The following BARD1 variants were observed in gnomAD, a reference collection of about 807,000 sequenced individuals.
BARD1 encodes BRCA1 associated RING domain 1.
In BARD1, 73 loss-of-function variants were observed where a neutral mutation model predicts 77.0. The observed-to-expected ratio is 0.95, with a 90% CI of 0.79 to 1.15. BARD1 has a LOEUF of 1.15. Ranked by LOEUF, BARD1 falls within the 50% of genes most tolerant of loss-of-function variation. BARD1 has a pLI of 0.00. For synonymous variants in BARD1, 384 were observed against 338.0 expected, an observed-to-expected ratio of 1.14 and a Z score of -1.49; for missense variants, 993 against 938.8, an observed-to-expected ratio of 1.06 and a Z score of -0.75.
intron 9 of BARD1, among the ~76,000 whole-genome samples, chr2:214,731,430 G>C (rs182673938): frequency 6.6e-6 from 1 of 152,298 alleles, no homozygotes; most frequent in Admixed American, 6.5e-5. Context: ...CCAAGCGAGG[G>C]AACTGATGGC....
chr2:214,741,908 A>G (rs974703553), intron 9 of BARD1, among the ~76,000 whole-genome samples: 1 of 136,994 alleles, frequency 7.3e-6, no homozygotes, highest in Non-Finnish European at 1.6e-5. Context: ...TTTGGACCCA[A>G]TGGATCCAAA....
intron 2 of BARD1, among the ~76,000 whole-genome samples, chr2:214,794,770 C>T (rs1347740399): frequency 6.6e-6 from 1 of 152,126 alleles, no homozygotes; most frequent in Non-Finnish European, 1.5e-5. Context: ...CATTTTAAAA[C>T]CTCATTGCTG....
chr2:214,761,520 T>C (rs1202132669), intron 6 of BARD1, among the ~76,000 whole-genome samples: 1 of 152,152 alleles, frequency 6.6e-6, no homozygotes, highest in Non-Finnish European at 1.5e-5. Context: ...TATTTTTAAA[T>C]GTATTAACAA....
At chr2:214,791,780 G>A (rs1695525415) in intron 3 of BARD1, among the ~76,000 whole-genome samples, 1 of 152,052 alleles carries the variant, frequency 6.6e-6, no homozygotes, top group African/African-American at 2.4e-5. Context: ...TGCTATTAAG[G>A]CCAAAATCAC....
intron 3 of BARD1, among the ~76,000 whole-genome samples, chr2:214,783,985 T>C (rs1451507155): frequency 6.6e-6 from 1 of 151,764 alleles, no homozygotes; most frequent in Non-Finnish European, 1.5e-5. Flanking sequence ...TAAAACAATG[T>C]CCTGAAGTCT....
At chr2:214,729,346 G>A (rs998937157) in intron 10 of BARD1, among the ~76,000 whole-genome samples, 1 of 152,180 alleles carries the variant, frequency 6.6e-6, no homozygotes, top group African/African-American at 2.4e-5. Flanking sequence ...CATGAGGTCA[G>A]GTGTGGAATT....
At chr2:214,768,357 G>A (rs936223822) in intron 5 of BARD1, among the ~76,000 whole-genome samples, 2 of 152,140 alleles carry the variant, frequency 1.3e-5, no homozygotes, top group Non-Finnish European at 2.9e-5. Context: ...TCTATTTTTA[G>A]GAGAAAGGAA....
rs1222109307 is a variant in BARD1 at position 214,730,466 on chromosome 2, T to A, written c.1946A>T (p.Glu649Val). Reference sequence around the variant, plus strand: ...TGGACCTTCAGGAATTTCATACTTTTCTTCCTGTTCACATACTTTTCTTCG... The same window carrying A: ...TGGACCTTCAGGAATTTCATACTTTACTTCCTGTTCACATACTTTTCTTCG... ...CLRRKVCEQEEKYEIPEGPRR... is the reference protein window; with the variant it reads ...CLRRKVCEQEVKYEIPEGPRR... Residue 649 changes from glutamate (E) to valine (V), a missense_variant, in exon 10 of 11, where the codon GAA (glutamate) becomes GTA (valine). Glu to Val is a moderately radical substitution (Grantham distance 121). Transcript: ENST00000260947. 3.7e-6 allele frequency: 6 copies of A among 1,613,904 alleles called. No homozygotes were observed. Among genetic ancestry groups the A allele is most frequent in the Non-Finnish European group, 3.4e-6 (4 of 1,179,992 alleles).
At chr2:214,737,288 T>C (rs1196952997) in intron 9 of BARD1, among the ~76,000 whole-genome samples, 1 of 152,140 alleles carries the variant, frequency 6.6e-6, no homozygotes, top group Admixed American at 6.6e-5. Context: ...GTCCTCAGCC[T>C]GCCGATTTGA....
At chr2:214,766,364 A>G (rs758435248) in intron 6 of BARD1, among the ~76,000 whole-genome samples, 13 of 152,232 alleles carry the variant, frequency 8.5e-5, no homozygotes, top group African/African-American at 3.1e-4. Flanking sequence ...TAGTAAATAC[A>G]CAGAAAAAAT....
intron 6 of BARD1, among the ~76,000 whole-genome samples, chr2:214,762,010 A>T (rs986274470): frequency 6.6e-6 from 1 of 152,210 alleles, no homozygotes; most frequent in Non-Finnish European, 1.5e-5. Context: ...AATTATATTT[A>T]TTAACACAAT....
chr2:214,787,526 T>C (rs1695326782), intron 3 of BARD1, among the ~76,000 whole-genome samples: 1 of 151,950 alleles, frequency 6.6e-6, no homozygotes, highest in South Asian at 2.1e-4. Flanking sequence ...ATAAATCACA[T>C]TATTAACAGC....
rs11340372 is a variant in BARD1 at position 214,761,289 on chromosome 2, GAA to G, written c.1568+6191_1568+6192del. Among the ~76,000 whole-genome samples the G allele has an allele frequency of 4.7e-3, 618 of 131,248 alleles. 5 individuals carry two copies. The highest frequency in any genetic ancestry group is 0.016 in the African/African-American group (547 of 35,216). The allele number at this position is 131,248 out of a possible 152,430, so 86.1% of individuals were successfully genotyped here. A position where few individuals can be genotyped will look rare whatever the true frequency, so the allele number is the denominator to read the frequency against. ...TTCCAGAGAAGAGGAAAGGTAAAAA[GAA>G]AAAAAAAAAAAGCATTCTGATTACT... On this transcript the variant is annotated intron_variant, in intron 6 of 10. Transcript: ENST00000260947.
intron 2 of BARD1, chr2:214,796,819 T>A (rs1695774142): frequency 1.0e-5 from 5 of 500,732 alleles, no homozygotes; most frequent in Non-Finnish European, 1.8e-5. Flanking sequence ...TTTCCTCCAA[T>A]TTGGCAAAGC....
At chr2:214,804,593 T>C (rs1429822141) in intron 1 of BARD1, among the ~76,000 whole-genome samples, 2 of 152,228 alleles carry the variant, frequency 1.3e-5, no homozygotes, top group Non-Finnish European at 2.9e-5. Context: ...ATCTGCAAAC[T>C]GGAGAGAACT....
chr2:214,805,900 G>A (rs959429655), intron 1 of BARD1, among the ~76,000 whole-genome samples: 6 of 152,118 alleles, frequency 3.9e-5, no homozygotes, highest in Non-Finnish European at 8.8e-5. Flanking sequence ...TATGCCAAGA[G>A]GTACCTATTA....
chr2:214,749,961 A>C (rs551304692), intron 7 of BARD1, among the ~76,000 whole-genome samples: 1 of 152,256 alleles, frequency 6.6e-6, no homozygotes, highest in South Asian at 2.1e-4. Flanking sequence ...CAGAAGACAT[A>C]GGGTTTTCAA....
chr2:214,741,774 G>C (rs1407609415), intron 9 of BARD1, among the ~76,000 whole-genome samples: 1 of 152,116 alleles, frequency 6.6e-6, no homozygotes, highest in Non-Finnish European at 1.5e-5. Flanking sequence ...CTTAGTCTCA[G>C]AATCCTCATG....
Position 214,728,537 on chromosome 2 carries a change from C to CTTTT in BARD1, c.*135_*138dup, listed in dbSNP as rs113789798. Reference sequence around the variant, plus strand: ...CATGAATTCCTAATCTGGCATTAGACTTTTTTTTTTTTTTTGATTCAAAGA... The same window carrying CTTTT: ...CATGAATTCCTAATCTGGCATTAGACTTTTTTTTTTTTTTTTTTTGATTCAAAGA... On this transcript the variant is annotated 3_prime_UTR_variant, in exon 11 of 11. Coordinates refer to ENST00000260947, the MANE Select transcript of BARD1 (RefSeq NM_000465.4). The CTTTT allele has an allele frequency of 6.3e-4, 373 of 588,010 alleles. 1 individual carries two copies. The highest frequency in any genetic ancestry group is 1.0e-3 in the South Asian group (40 of 38,308). The allele number at this position is 588,010 out of a possible 1,614,324, so 36.4% of individuals were successfully genotyped here.
Sources: allele counts gnomAD v4.1 joint callset (sites outside exome capture counted in the v4.1 genomes callset), GRCh38; gene constraint gnomAD v4.1.1; transcripts MANE v1.5; gene names NCBI Gene and HGNC (gene_info 2026-07-23, HGNC 2026-07-21).